Variants in PSMA1 observed in about 807,000 individuals in gnomAD.
PSMA1 encodes the protein proteasome 20S subunit alpha 1.
PSMA1 carries 3 observed loss-of-function variants against 38.4 expected under a neutral mutation model. That is an observed-to-expected ratio of 0.08 (90% confidence interval 0.04 to 0.20). The LOEUF is 0.20. Ranked by LOEUF, PSMA1 falls within the 10% of genes least tolerant of loss-of-function variation. PSMA1 has a pLI of 1.00. For missense variants in PSMA1, 227 were observed against 325.3 expected (o/e 0.70, Z 2.32); for synonymous variants, 101 against 107.1 (o/e 0.94, Z 0.35).
At chr11:14,544,334 G>A (rs899507169) in intron 2 of PSMA1, among the ~76,000 whole-genome samples, 1 of 151,986 alleles carries the variant, frequency 6.6e-6, no homozygotes, top group East Asian at 1.9e-4. Flanking sequence ...GTGCCCGGCC[G>A]GTAAATTAAT....
intron 2 of PSMA1, among the ~76,000 whole-genome samples, chr11:14,532,465 C>G (rs564750824): frequency 3.9e-5 from 6 of 151,918 alleles, no homozygotes; most frequent in Non-Finnish European, 8.8e-5. Context: ...CTTAGCCCGG[C>G]GTAGTGGCAC....
intron 2 of PSMA1, among the ~76,000 whole-genome samples, chr11:14,533,584 TC>T (rs1851672114): frequency 1.2e-5 from 1 of 83,860 alleles, no homozygotes; most frequent in African/African-American, 4.8e-5. Flanking sequence ...TCTTTTCTTT[TC>T]TTTTTTTTTT....
intron 2 of PSMA1, among the ~76,000 whole-genome samples, chr11:14,569,783 C>T (rs796121800): frequency 6.6e-5 from 10 of 152,220 alleles, no homozygotes; most frequent in South Asian, 6.2e-4. Context: ...TCTCTGGAGG[C>T]GGGGCATAGC....
intron 2 of PSMA1, among the ~76,000 whole-genome samples, chr11:14,563,361 T>C (rs1852032151): frequency 6.6e-6 from 1 of 152,194 alleles, no homozygotes; most frequent in Non-Finnish European, 1.5e-5. Flanking sequence ...GCAGGCAGTG[T>C]ACCTTTACCA....
chr11:14,610,757 T>C lies in PSMA1; in HGVS notation c.21+209A>G, dbSNP rs925806348. ...GTTAATCCCTTTCTTTTTGTGCCTA[T>C]GACAAGGCTGGTATGATTTGCTGGA... On this transcript the variant is annotated intron_variant, in intron 2 of 10. Transcript: ENST00000418988. 1.6e-5 allele frequency: 9 copies of C among 563,530 alleles called. No individual in the cohort carries two copies. The East Asian group carries it at 2.1e-4, about 13-fold the overall frequency. 34.9% of individuals were successfully genotyped at this position (563,530 alleles called of 1,614,324 possible). A position where few individuals can be genotyped will look rare whatever the true frequency, so the allele number is the denominator to read the frequency against.
intron 2 of PSMA1, among the ~76,000 whole-genome samples, chr11:14,557,464 G>A (rs1340041191): frequency 1.3e-5 from 2 of 152,048 alleles, no homozygotes; most frequent in Non-Finnish European, 1.5e-5. Context: ...GGATGGTCTC[G>A]ATCTCTTGAC....
intron 2 of PSMA1, among the ~76,000 whole-genome samples, chr11:14,569,995 C>A (rs1466948347): frequency 3.3e-5 from 5 of 152,184 alleles, no homozygotes; most frequent in Admixed American, 1.3e-4. Flanking sequence ...AGGCAGGTAG[C>A]CCTCTGAGAC....
In PSMA1 at chr11:14,641,864, A is replaced by G. The variant is rs190772073; in HGVS notation, c.-166+1591T>C. Among the ~76,000 whole-genome samples the G allele has an allele frequency of 2.8e-3, 426 of 152,370 alleles. 11 individuals are homozygous for G. The highest frequency in any genetic ancestry group is 8.8e-4 in the Non-Finnish European group (60 of 68,036). ...GGATGCCTATGTATTTTTGGCATAC[A>G]GAAATCAGAGCTTTTTAAGACTAGA... On this transcript the variant is annotated intron_variant, in intron 1 of 10. Transcript: ENST00000418988.
At chr11:14,551,515 G>A (rs753914919) in intron 2 of PSMA1, among the ~76,000 whole-genome samples, 1 of 152,206 alleles carries the variant, frequency 6.6e-6, no homozygotes, top group Non-Finnish European at 1.5e-5. Context: ...AGTGCTGTCA[G>A]GGGGAAGAGA....
At chr11:14,610,589 C>A (rs551788339) in intron 2 of PSMA1, among the ~76,000 whole-genome samples, 3 of 152,330 alleles carry the variant, frequency 2.0e-5, no homozygotes, top group Admixed American at 2.0e-4. Flanking sequence ...ATGTCACAAG[C>A]CTTGAGTGGC....
chr11:14,546,420 T>A (rs1049737592), intron 2 of PSMA1, among the ~76,000 whole-genome samples: 4 of 152,054 alleles, frequency 2.6e-5, no homozygotes, highest in Admixed American at 2.0e-4. Context: ...TAATTGTTGT[T>A]TAGAGCTCTC....
chr11:14,602,005 A>G (rs1454285726), intron 2 of PSMA1, among the ~76,000 whole-genome samples: 1 of 152,176 alleles, frequency 6.6e-6, no homozygotes, highest in Non-Finnish European at 1.5e-5. Context: ...CATTCTTTAC[A>G]TAGAGCCCTC....
At chr11:14,568,172 T>C (rs1171683648) in intron 2 of PSMA1, among the ~76,000 whole-genome samples, 1 of 152,206 alleles carries the variant, frequency 6.6e-6, no homozygotes, top group African/African-American at 2.4e-5. Flanking sequence ...GACTGTAACA[T>C]GTCTAGGATC....
chr11:14,593,352 AC>A (rs1852444797), intron 2 of PSMA1, among the ~76,000 whole-genome samples: 1 of 152,166 alleles, frequency 6.6e-6, no homozygotes, highest in South Asian at 2.1e-4. Flanking sequence ...AATTTACCTG[AC>A]CACAGAAGCT....
chr11:14,593,313 G>A (rs1208377145), intron 2 of PSMA1, among the ~76,000 whole-genome samples: 1 of 152,210 alleles, frequency 6.6e-6, no homozygotes, highest in Non-Finnish European at 1.5e-5. Flanking sequence ...CAATCTGCAA[G>A]AGAAGGAAAG....
chr11:14,524,718 C>T (rs948654501), upstream of PSMA1, among the ~76,000 whole-genome samples: 6 of 152,198 alleles, frequency 3.9e-5, no homozygotes, highest in African/African-American at 7.2e-5. Context: ...CCCGGGTCAG[C>T]GGACTCCTTT....
chr11:14,595,315 C>T (rs1320771639), intron 2 of PSMA1, among the ~76,000 whole-genome samples: 2 of 152,150 alleles, frequency 1.3e-5, no homozygotes, highest in Non-Finnish European at 2.9e-5. Flanking sequence ...GTTCTAGATC[C>T]TTGAGGAATC....
intron 2 of PSMA1, among the ~76,000 whole-genome samples, chr11:14,595,984 A>G (rs1173457170): frequency 6.6e-6 from 1 of 152,180 alleles, no homozygotes; most frequent in Non-Finnish European, 1.5e-5. Flanking sequence ...TCCCAGCACC[A>G]TTTATGAAAT....
chr11:14,513,894 C>A lies in PSMA1; in HGVS notation c.344-7G>T. ...TGTGTTGGTATCTGGGTCTCTTAGA[C>A]TGGTTAACGAGCTTGTTTTAACAAG... On this transcript the variant is annotated splice_region_variant and splice_polypyrimidine_tract_variant and intron_variant, in intron 5 of 9. Coordinates refer to ENST00000396394, the MANE Select transcript of PSMA1 (RefSeq NM_002786.4). 6.3e-7 allele frequency: 1 copy of A among 1,582,250 alleles called. No individual in the cohort carries two copies. Among genetic ancestry groups the A allele is most frequent in the Non-Finnish European group, 8.5e-7 (1 of 1,170,306 alleles).
Sources: gnomAD v4.1 joint callset for allele counts (sites outside exome capture counted in the v4.1 genomes callset) on GRCh38, gnomAD v4.1.1 for gene constraint, MANE v1.5 for transcripts, NCBI Gene and HGNC (gene_info 2026-07-23, HGNC 2026-07-21) for gene names.